Variants in ADAMTS2 observed in about 807,000 individuals in gnomAD.
The protein encoded by ADAMTS2 is ADAM metallopeptidase with thrombospondin type 1 motif 2.
Under a neutral mutation model 123.0 loss-of-function variants are expected in ADAMTS2, and 50 were observed. The observed-to-expected ratio is 0.41, with a 90% CI of 0.32 to 0.51. The LOEUF is 0.51. ADAMTS2 is among the 20% of genes least tolerant of loss of function. The pLI, the probability that ADAMTS2 is intolerant of heterozygous loss-of-function variation, is 0.35. For missense variants in ADAMTS2, 1,494 were observed against 1,705.2 expected, an observed-to-expected ratio of 0.88 and a Z score of 2.18; for synonymous variants, 678 against 695.4, an observed-to-expected ratio of 0.98 and a Z score of 0.39.
At position 179,343,843 on chromosome 5, in the gene ADAMTS2, C is replaced by T. The variant is rs2127463330; in HGVS notation, c.458G>A (p.Gly153Glu). The T allele has an allele frequency of 2.5e-6, 4 of 1,604,650 alleles. No individual in the cohort carries two copies. Among genetic ancestry groups the T allele is most frequent in the Non-Finnish European group, 2.5e-6 (3 of 1,176,822 alleles). Reference protein sequence around the residue: ...KGTTRVEPLLGSCLYVGDVAG... With the variant: ...KGTTRVEPLLESCLYVGDVAG... ...CACGTCTCCGACGTAGAGACAGCTC[C>T]CGAGCAGGGGCTCCACGCGGGTGGT... is the stretch of plus-strand genomic sequence containing the variant. The change falls in exon 2 of 22, where the codon GGG (glycine) becomes GAG (glutamate). Residue 153 changes from glycine (G) to glutamate (E), a missense_variant. This residue lies in a region of ADAMTS2 where 237 missense variants were observed against 233.7 expected (regional missense o/e 1.01). Coordinates refer to ENST00000251582, the MANE Select transcript of ADAMTS2 (RefSeq NM_014244.5).
chr5:179,132,073 G>C lies in ADAMTS2; in HGVS notation c.2290+157C>G, dbSNP rs768302134. On this transcript the variant is annotated intron_variant, in intron 15 of 21. Coordinates refer to ENST00000251582, the MANE Select transcript of ADAMTS2 (RefSeq NM_014244.5). The surrounding 1 kb of genome is among the most constrained non-coding windows in gnomAD (Gnocchi z 6.1). ...GGGAGGACCCTGGGAAAGGGCCCAGGTGGGCTGAGCAGAGGGACAGGTTGG... is the reference window on the plus strand; with the variant it reads ...GGGAGGACCCTGGGAAAGGGCCCAGCTGGGCTGAGCAGAGGGACAGGTTGG... 2.8e-4 allele frequency among the ~76,000 whole-genome samples: 43 copies of C among 152,336 alleles called. No individual in the cohort carries two copies. Among genetic ancestry groups the C allele is most frequent in the Admixed American group, 5.9e-4 (9 of 15,308 alleles).
At chr5:179,302,810 G>A (rs1937297726) in intron 2 of ADAMTS2, among the ~76,000 whole-genome samples, 1 of 152,062 alleles carries the variant, frequency 6.6e-6, no homozygotes, top group South Asian at 2.1e-4. Context: ...GAGATCTGGG[G>A]AAGTGGGCTC....
At chr5:179,224,519 G>A (rs534359745) in intron 3 of ADAMTS2, among the ~76,000 whole-genome samples, 11 of 152,298 alleles carry the variant, frequency 7.2e-5, no homozygotes, top group Admixed American at 3.9e-4. Context: ...TGGAGCATGC[G>A]GCCCTCTTGG....
intron 3 of ADAMTS2, among the ~76,000 whole-genome samples, chr5:179,253,549 G>A (rs1190172890): frequency 6.6e-6 from 1 of 152,014 alleles, no homozygotes; most frequent in Non-Finnish European, 1.5e-5. Flanking sequence ...GGGAGGCTGA[G>A]GCAGGAGAAT....
Position 179,121,719 on chromosome 5 carries a change from G to C in ADAMTS2, c.3120C>G (p.Tyr1040Ter). Reference sequence around the variant, plus strand: ...CCGGGCGGGACAGCCACTGAACTACGTAGCTCTTCTTGGAGGGATCTGAGA... The same window carrying C: ...CCGGGCGGGACAGCCACTGAACTACCTAGCTCTTCTTGGAGGGATCTGAGA... ...RNISDPSKKSYVVQWLSRPDP... is the reference protein window; with the variant it reads ...RNISDPSKKS Residue 1040 changes from tyrosine (Y) to a stop codon, truncating the protein, a stop_gained, in exon 21 of 22, where the codon TAC becomes TAG. Coordinates refer to ENST00000251582, the MANE Select transcript of ADAMTS2 (RefSeq NM_014244.5). LOFTEE classifies it high-confidence loss of function. 1 of 1,592,290 alleles carries C rather than the reference G, an allele frequency of 6.3e-7. No individual in the cohort carries two copies. The highest frequency in any genetic ancestry group is 8.6e-7 in the Non-Finnish European group (1 of 1,169,068).
chr5:179,162,111 C>T lies in ADAMTS2; in HGVS notation c.976-3232G>A, dbSNP rs1158927006. 1.3e-5 allele frequency among the ~76,000 whole-genome samples: 2 copies of T among 152,206 alleles called. No individual in the cohort carries two copies. Among genetic ancestry groups the T allele is most frequent in the East Asian group, 3.9e-4 (2 of 5,186 alleles). On this transcript the variant is annotated intron_variant, in intron 5 of 21. Coordinates refer to ENST00000251582, the MANE Select transcript of ADAMTS2 (RefSeq NM_014244.5). The surrounding 1 kb of genome is among the most constrained non-coding windows in gnomAD (Gnocchi z 5.1). ...TCAAGGGAGTCCTGTCCAAGATGAA[C>T]TCACCTGCCCTCAGGGTCCTAAGCC...
chr5:179,294,983 C>G (rs535061061), intron 2 of ADAMTS2, among the ~76,000 whole-genome samples: 1 of 152,192 alleles, frequency 6.6e-6, no homozygotes, highest in Non-Finnish European at 1.5e-5. Context: ...TGCCTCTAGG[C>G]GAACGGGCCT....
chr5:179,247,270 G>T (rs1238814525), intron 3 of ADAMTS2, among the ~76,000 whole-genome samples: 6 of 152,158 alleles, frequency 3.9e-5, no homozygotes, highest in African/African-American at 1.4e-4. Flanking sequence ...CAATAGATCA[G>T]TTCAATAGCA....
chr5:179,329,704 CA>C (rs952927997), intron 2 of ADAMTS2, among the ~76,000 whole-genome samples: 1 of 152,106 alleles, frequency 6.6e-6, no homozygotes, highest in Non-Finnish European at 1.5e-5. Flanking sequence ...ACCAGCCCGG[CA>C]GAATAAAAAA....
intron 3 of ADAMTS2, among the ~76,000 whole-genome samples, chr5:179,259,426 C>T (rs1347413185): frequency 6.6e-6 from 1 of 152,210 alleles, no homozygotes; most frequent in African/African-American, 2.4e-5. Context: ...TCCTGCTGTG[C>T]GTGCCGGGTA....
chr5:179,128,086 C>G lies in ADAMTS2; in HGVS notation c.2490G>C (p.Leu830=), dbSNP rs750543911. 6.2e-7 allele frequency: 1 copy of G among 1,613,926 alleles called. No individual in the cohort carries two copies. Among genetic ancestry groups the G allele is most frequent in the Non-Finnish European group, 8.5e-7 (1 of 1,180,024 alleles). The change falls in exon 17 of 22, where the codon CTG becomes CTC. Residue 830 remains leucine, a synonymous_variant. Transcript: ENST00000251582. The surrounding 1 kb of genome is among the most constrained non-coding windows in gnomAD (Gnocchi z 4.9). Reference sequence around the variant, plus strand: ...CCTCATGGATCATGTATTTGTACGTCAGTGAGACCCGGGTGTCTCCCACCG... The same window carrying G: ...CCTCATGGATCATGTATTTGTACGTGAGTGAGACCCGGGTGTCTCCCACCG... The part of the protein sequence containing the change: ...VIPVGDTRVS[L]TYKYMIHEDS...
intron 3 of ADAMTS2, among the ~76,000 whole-genome samples, chr5:179,237,612 G>C (rs1293461175): frequency 6.6e-6 from 1 of 152,164 alleles, no homozygotes; most frequent in East Asian, 1.9e-4. Context: ...TGGGAGGCTG[G>C]GGGAGATGAG....
At chr5:179,278,996 G>C (rs74451768) in intron 2 of ADAMTS2, among the ~76,000 whole-genome samples, 6,401 of 151,850 alleles carry the variant, frequency 0.042, 165 homozygotes, top group Non-Finnish European at 0.063. Flanking sequence ...ACCACAGACA[G>C]CCTGGAAGTT....
chr5:179,153,138 C>T (rs1346044011), intron 9 of ADAMTS2, among the ~76,000 whole-genome samples: 2 of 152,126 alleles, frequency 1.3e-5, no homozygotes, highest in Non-Finnish European at 2.9e-5. Context: ...GCCTCTGCGT[C>T]CGTGGCCCTC....
At chr5:179,265,447 G>T (rs1766342414) in intron 3 of ADAMTS2, among the ~76,000 whole-genome samples, 2 of 152,166 alleles carry the variant, frequency 1.3e-5, no homozygotes, top group South Asian at 2.1e-4. Context: ...ACGCCGTGGA[G>T]GGGGAGCACA....
At chr5:179,330,662 G>A (rs1162702905) in intron 2 of ADAMTS2, among the ~76,000 whole-genome samples, 1 of 152,158 alleles carries the variant, frequency 6.6e-6, no homozygotes, top group Non-Finnish European at 1.5e-5. Flanking sequence ...CTCCCAGACG[G>A]AGCAAAGGCT....
At position 179,234,553 on chromosome 5, in the gene ADAMTS2, A is replaced by G. The variant is rs1347729305; in HGVS notation, c.689-26838T>C. On this transcript the variant is annotated intron_variant, in intron 3 of 21. Coordinates refer to ENST00000251582, the MANE Select transcript of ADAMTS2 (RefSeq NM_014244.5). This position sits in a 1 kb window ranked among gnomAD's most constrained non-coding sequence, Gnocchi z 4.7. ...CAGCCTGCACCTCCCCAGGCTCCAG[A>G]CCCCGCCCCCTGCTGCCTGCAACTG... Among the ~76,000 whole-genome samples the G allele has an allele frequency of 6.7e-6, 1 of 149,460 alleles. No homozygotes were observed. The highest frequency in any genetic ancestry group is 1.5e-5 in the Non-Finnish European group (1 of 67,408).
At chr5:179,193,822 G>C (rs1344796693) in intron 4 of ADAMTS2, among the ~76,000 whole-genome samples, 1 of 152,192 alleles carries the variant, frequency 6.6e-6, no homozygotes, top group Non-Finnish European at 1.5e-5. Context: ...ACACCACCAA[G>C]GAGACCCCTG....
In ADAMTS2 at chr5:179,114,136, G is replaced by T; in HGVS notation, c.3367C>A (p.Leu1123Ile). 1 of 1,614,020 alleles carries T rather than the reference G, an allele frequency of 6.2e-7. No individual in the cohort carries two copies. Among genetic ancestry groups the T allele is most frequent in the Non-Finnish European group, 8.5e-7 (1 of 1,179,928 alleles). ...HNDIDVFMPT[L>I]PVPTVAMEVR... ...TCCATGGCTACAGTGGGCACTGGGA[G>T]GGTAGGCATGAACACGTCAATGTCG... is the stretch of plus-strand genomic sequence containing the variant. Residue 1123 changes from leucine (L) to isoleucine (I), a missense_variant, in exon 22 of 22, where the codon CTC becomes ATC. Physicochemically the swap from Leu to Ile is conservative, Grantham distance 5. Around this residue, in one of 6 missense-constraint regions of ADAMTS2, gnomAD observed 953 missense variants for 1,124.7 expected, o/e 0.85. Transcript: ENST00000251582.
Sources: allele counts gnomAD v4.1 joint callset (sites outside exome capture counted in the v4.1 genomes callset), GRCh38; gene constraint gnomAD v4.1.1; regional missense constraint gnomAD v4.1.1; non-coding constraint Gnocchi (gnomAD v3.1); transcripts MANE v1.5; gene names NCBI Gene and HGNC (gene_info 2026-07-23, HGNC 2026-07-21).